NRXN1: variants seen among roughly 807,000 people sequenced by gnomAD.
NRXN1 encodes neurexin 1, also known as neurexin-1.
Under a neutral mutation model 150.9 loss-of-function variants are expected in NRXN1, and 39 were observed. The observed-to-expected ratio is 0.26, with a 90% CI of 0.20 to 0.34. The LOEUF is 0.34. Among genes scored for constraint, NRXN1 ranks in the 10% least tolerant of loss-of-function variants. The probability of loss-of-function intolerance (pLI) is 1.00; values close to 1 mark genes in which losing one functional copy is unlikely to be tolerated. For missense variants in NRXN1, 1,815 were observed against 1,949.9 expected, an observed-to-expected ratio of 0.93 and a Z score of 1.30; for synonymous variants, 924 against 757.0, an observed-to-expected ratio of 1.22 and a Z score of -3.62.
At chr2:50,381,204 A>G (rs924949783) in intron 17 of NRXN1, among the ~76,000 whole-genome samples, 29 of 151,530 alleles carry the variant, frequency 1.9e-4, no homozygotes, top group African/African-American at 7.1e-4. Context: ...CTAGAGAACA[A>G]GACAAAGTTT....
At chr2:50,019,414 G>A in intron 21 of NRXN1, 1 of 440,020 alleles carries the variant, frequency 2.3e-6, no homozygotes, top group Admixed American at 2.5e-5. Context: ...GGAGGCCGAG[G>A]TGGGTGGATC....
intron 22 of NRXN1, among the ~76,000 whole-genome samples, chr2:49,925,362 G>A (rs1668927682): frequency 1.3e-5 from 2 of 151,110 alleles, no homozygotes; most frequent in Admixed American, 6.6e-5. Context: ...ACAGGCCAAA[G>A]AGATTTAAAT....
chr2:50,751,862 A>G (rs1383342510), intron 5 of NRXN1, among the ~76,000 whole-genome samples: 1 of 151,816 alleles, frequency 6.6e-6, no homozygotes, highest in African/African-American at 2.4e-5. Flanking sequence ...GATTAAGAGA[A>G]GGGCCCAGGT....
intron 5 of NRXN1, chr2:50,916,952 A>C (rs1685292348): frequency 6.6e-6 from 1 of 151,712 alleles, no homozygotes; most frequent in Admixed American, 6.6e-5. Context: ...TGAACATGTA[A>C]GCTAAAGATG....
chr2:49,971,149 T>C (rs1384262048), intron 21 of NRXN1, among the ~76,000 whole-genome samples: 1 of 152,136 alleles, frequency 6.6e-6, no homozygotes, highest in Non-Finnish European at 1.5e-5. Flanking sequence ...TTTTCCCATT[T>C]GAAAACTAAA....
intron 18 of NRXN1, among the ~76,000 whole-genome samples, chr2:50,200,062 T>C (rs1559078289): frequency 1.3e-5 from 2 of 152,150 alleles, no homozygotes; most frequent in African/African-American, 4.8e-5. Context: ...TAATAATTCC[T>C]TTATTTTTCA....
chr2:50,520,036 G>A (rs2092742709), intron 12 of NRXN1, among the ~76,000 whole-genome samples: 1 of 151,786 alleles, frequency 6.6e-6, no homozygotes, highest in African/African-American at 2.4e-5. Flanking sequence ...CTATACCATG[G>A]CTCTATATTT....
At chr2:50,864,378 C>A (rs1676569763) in intron 5 of NRXN1, among the ~76,000 whole-genome samples, 1 of 151,980 alleles carries the variant, frequency 6.6e-6, no homozygotes, top group African/African-American at 2.4e-5. Flanking sequence ...TCTTATTTAT[C>A]TTTTCATTTT....
chr2:50,737,379 G>A (rs552771091), intron 5 of NRXN1, among the ~76,000 whole-genome samples: 1 of 152,218 alleles, frequency 6.6e-6, no homozygotes, highest in African/African-American at 2.4e-5. Flanking sequence ...TTATGGTACT[G>A]TTTATACACA....
chr2:50,790,518 G>A (rs1705792181), intron 5 of NRXN1, among the ~76,000 whole-genome samples: 2 of 152,126 alleles, frequency 1.3e-5, no homozygotes, highest in African/African-American at 4.8e-5. Flanking sequence ...CTACTCAGGA[G>A]GCTGAGGCAG....
chr2:49,935,618 G>C (rs2104274243), intron 22 of NRXN1, among the ~76,000 whole-genome samples: 1 of 152,274 alleles, frequency 6.6e-6, no homozygotes, highest in East Asian at 1.9e-4. Context: ...CTGCCCCTTG[G>C]AGCATATGTG....
intron 8 of NRXN1, among the ~76,000 whole-genome samples, chr2:50,561,474 C>CTAGAA (rs1239683172): frequency 6.6e-6 from 1 of 152,132 alleles, no homozygotes; most frequent in Non-Finnish European, 1.5e-5. Context: ...GCTTAAAAGG[C>CTAGAA]TAGAAGGCTA....
chr2:50,702,549 C>CA (rs1553993147), intron 5 of NRXN1, among the ~76,000 whole-genome samples: 1 of 129,978 alleles, frequency 7.7e-6, no homozygotes, highest in Admixed American at 8.1e-5. Context: ...GTATTCATAG[C>CA]ATTTTTTTGA....
chr2:50,594,446 G>GT (rs1235253862), intron 8 of NRXN1, among the ~76,000 whole-genome samples: 3 of 152,082 alleles, frequency 2.0e-5, no homozygotes, highest in Admixed American at 1.3e-4. Context: ...ACCTGTAGGC[G>GT]TAAGTATGGG....
chr2:50,092,543 T>A (rs994104756), intron 18 of NRXN1, among the ~76,000 whole-genome samples: 1 of 152,156 alleles, frequency 6.6e-6, no homozygotes, highest in Non-Finnish European at 1.5e-5. Context: ...GTACACACAG[T>A]CCATCCTTTC....
intron 5 of NRXN1, among the ~76,000 whole-genome samples, chr2:50,852,877 T>G (rs540973087): frequency 5.5e-4 from 83 of 152,278 alleles, no homozygotes; most frequent in African/African-American, 1.9e-3. Context: ...AACATTTTAG[T>G]TGAAATAGAG....
At chr2:50,469,250 AATC>A (rs2089227722) in intron 16 of NRXN1, among the ~76,000 whole-genome samples, 1 of 151,664 alleles carries the variant, frequency 6.6e-6, no homozygotes, top group African/African-American at 2.4e-5. Flanking sequence ...AGGAGACAAT[AATC>A]TAAGTAGACT....
intron 5 of NRXN1, among the ~76,000 whole-genome samples, chr2:50,673,533 T>C (rs527876875): frequency 1.3e-5 from 2 of 152,260 alleles, no homozygotes; most frequent in African/African-American, 2.4e-5. Flanking sequence ...GTACTGCTCA[T>C]AAAAGATGTT....
chr2:50,515,033 C>T (rs981557549), intron 12 of NRXN1, among the ~76,000 whole-genome samples: 17 of 152,164 alleles, frequency 1.1e-4, no homozygotes, highest in Non-Finnish European at 2.2e-4. Flanking sequence ...GGAAGCATGC[C>T]GCACAGCAGG....
Sources: allele counts gnomAD v4.1 joint callset (sites outside exome capture counted in the v4.1 genomes callset), GRCh38; gene constraint gnomAD v4.1.1; transcripts MANE v1.5; gene names NCBI Gene and HGNC (gene_info 2026-07-23, HGNC 2026-07-21).